ATP9B: variants seen among roughly 807,000 people sequenced by gnomAD.
ATP9B encodes ATPase phospholipid transporting 9B, also known as probable phospholipid-transporting ATPase IIB.
In ATP9B, 110 loss-of-function variants were observed where a neutral mutation model predicts 146.1. The observed-to-expected ratio is 0.75, with a 90% confidence interval of 0.65 to 0.88. ATP9B has a LOEUF of 0.88. ATP9B is among the 40% of genes least tolerant of loss of function. The pLI is 0.00. For synonymous variants in ATP9B, 604 were observed against 569.7 expected (o/e 1.06, Z -0.86); for missense variants, 1,499 against 1,496.4 (o/e 1.00, Z -0.03).
chr18:79,265,390 C>T (rs1254708521), intron 12 of ATP9B, among the ~76,000 whole-genome samples: 1 of 152,114 alleles, frequency 6.6e-6, no homozygotes, highest in Non-Finnish European at 1.5e-5. Context: ...CTGATCTGCC[C>T]GCCTCGGCCT....
At chr18:79,227,498 G>A (rs539580448) in intron 11 of ATP9B, among the ~76,000 whole-genome samples, 45 of 152,194 alleles carry the variant, frequency 3.0e-4, no homozygotes, top group African/African-American at 9.6e-4. Context: ...GTATATAGGT[G>A]GATGGGTAGA....
intron 12 of ATP9B, among the ~76,000 whole-genome samples, chr18:79,266,900 T>C (rs1359270289): frequency 6.6e-6 from 1 of 152,124 alleles, no homozygotes; most frequent in Non-Finnish European, 1.5e-5. Flanking sequence ...GAAATTGACA[T>C]GTAATTTTTA....
At position 79,377,745 on chromosome 18, in the gene ATP9B, C is replaced by G. The variant is rs1402954419; in HGVS notation, c.*362C>G. 8.4e-6 allele frequency: 2 copies of G among 239,104 alleles called. No homozygotes were observed. The highest frequency in any genetic ancestry group is 4.4e-5 in the African/African-American group (2 of 45,078). 14.8% of individuals were successfully genotyped at this position (239,104 alleles called of 1,614,324 possible). A position where few individuals can be genotyped will look rare whatever the true frequency, so the allele number is the denominator to read the frequency against. ...GGGCACAGAGGCCGGGACGGCCTCT[C>G]CCTCTCAGTGTGAGGCTTCACCCAT... On this transcript the variant is annotated 3_prime_UTR_variant, in exon 30 of 30. Transcript: ENST00000426216.
chr18:79,276,310 C>G (rs1258103932), intron 12 of ATP9B, among the ~76,000 whole-genome samples: 1 of 152,202 alleles, frequency 6.6e-6, no homozygotes, highest in African/African-American at 2.4e-5. Context: ...GCAGAATTGT[C>G]CCCAGTCAGA....
chr18:79,307,398 T>A, intron 15 of ATP9B, 164 bp downstream of exon 15: 1 of 1,057,294 alleles, frequency 9.5e-7, no homozygotes, highest in Non-Finnish European at 1.3e-6. Flanking sequence ...TTCCAGCATG[T>A]AGCCTCTGAC....
intron 17 of ATP9B, among the ~76,000 whole-genome samples, chr18:79,331,002 A>G (rs982722711): frequency 3.3e-5 from 5 of 152,242 alleles, no homozygotes; most frequent in African/African-American, 1.2e-4. Context: ...ATAATAAGCA[A>G]TCCCATATTT....
intron 15 of ATP9B, among the ~76,000 whole-genome samples, chr18:79,308,237 T>C (rs2096629911): frequency 6.6e-6 from 1 of 152,014 alleles, no homozygotes; most frequent in South Asian, 2.1e-4. Flanking sequence ...GTGGGTGGGA[T>C]TGGAACAGGG....
At chr18:79,309,436 A>G (rs2096639019) in intron 15 of ATP9B, among the ~76,000 whole-genome samples, 1 of 146,554 alleles carries the variant, frequency 6.8e-6, no homozygotes. Context: ...GGGGTGGAGG[A>G]GTGATCCCCA....
At chr18:79,289,619 G>A (rs2096481524) in intron 13 of ATP9B, among the ~76,000 whole-genome samples, 1 of 152,196 alleles carries the variant, frequency 6.6e-6, no homozygotes, top group Non-Finnish European at 1.5e-5. Flanking sequence ...ACTCGTCAAA[G>A]TCATTCTCCG....
rs185003909 is a variant in ATP9B at position 79,258,342 on chromosome 18, A to T, written c.1268+4801A>T. ...CTAGTTGGGAGGCTGAGGCGGGAGG[A>T]TTGCTTTAGCCCAGGAGGTTGAGGC... is the stretch of plus-strand genomic sequence containing the variant. On this transcript the variant is annotated intron_variant, in intron 12 of 29. Transcript: ENST00000426216. Among the ~76,000 whole-genome samples the T allele has an allele frequency of 2.3e-3, 348 of 152,232 alleles. 1 individual carries two copies. The highest frequency in any genetic ancestry group is 3.4e-3 in the Middle Eastern group (1 of 292).
intron 12 of ATP9B, among the ~76,000 whole-genome samples, chr18:79,268,096 ACTTT>A (rs1434899004): frequency 6.6e-6 from 1 of 151,970 alleles, no homozygotes. Flanking sequence ...TTATAAAGGG[ACTTT>A]CTTTATCTCT....
chr18:79,262,590 T>C (rs2096154455), intron 12 of ATP9B, among the ~76,000 whole-genome samples: 1 of 152,158 alleles, frequency 6.6e-6, no homozygotes, highest in African/African-American at 2.4e-5. Flanking sequence ...TTTGAAACAT[T>C]TCTATGATGA....
At chr18:79,155,856 G>A (rs944588590) in intron 7 of ATP9B, among the ~76,000 whole-genome samples, 1 of 146,800 alleles carries the variant, frequency 6.8e-6, no homozygotes. Flanking sequence ...TCCGCCTCCT[G>A]GGTTCATGCC....
chr18:79,088,724 A>T (rs2074060285), intron 1 of ATP9B, among the ~76,000 whole-genome samples: 1 of 152,160 alleles, frequency 6.6e-6, no homozygotes, highest in South Asian at 2.1e-4. Context: ...TCCATGGTAT[A>T]TTTCACCAAT....
At chr18:79,088,986 T>C (rs1244834894) in intron 1 of ATP9B, among the ~76,000 whole-genome samples, 4 of 152,208 alleles carry the variant, frequency 2.6e-5, no homozygotes, top group African/African-American at 9.6e-5. Flanking sequence ...CCATATTGAA[T>C]GTTAAGAATT....
chr18:79,205,643 G>A (rs1046542710), intron 9 of ATP9B, among the ~76,000 whole-genome samples: 5 of 152,120 alleles, frequency 3.3e-5, no homozygotes, highest in East Asian at 1.9e-4. Context: ...CACACGGGAC[G>A]TCTTCCCTGT....
At chr18:79,251,964 AG>A (rs1217542289) in intron 11 of ATP9B, among the ~76,000 whole-genome samples, 1 of 152,250 alleles carries the variant, frequency 6.6e-6, no homozygotes, top group Non-Finnish European at 1.5e-5. Flanking sequence ...AGAAATAAGT[AG>A]GTAAGTTAAG....
intron 13 of ATP9B, among the ~76,000 whole-genome samples, chr18:79,294,465 C>T (rs538184164): frequency 1.3e-5 from 2 of 152,238 alleles, no homozygotes; most frequent in Non-Finnish European, 2.9e-5. Context: ...ACAGGGCCCA[C>T]AGGCACAGGA....
At chr18:79,339,301 T>C (rs979694306) in intron 19 of ATP9B, among the ~76,000 whole-genome samples, 2 of 151,546 alleles carry the variant, frequency 1.3e-5, no homozygotes, top group African/African-American at 4.9e-5. Context: ...GTAGGAAGTA[T>C]GTCATGATCA....
Sources: allele counts gnomAD v4.1 joint callset (sites outside exome capture counted in the v4.1 genomes callset), GRCh38; gene constraint gnomAD v4.1.1; transcripts MANE v1.5; gene names NCBI Gene and HGNC (gene_info 2026-07-23, HGNC 2026-07-21).